The following DTNA variants were observed in gnomAD, a reference collection of about 807,000 sequenced individuals.
DTNA encodes the protein dystrobrevin alpha, also known as dystrophin-related protein 3.
DTNA carries 43 observed loss-of-function variants against 100.7 expected under a neutral mutation model. The ratio of observed to expected loss-of-function variants is 0.43; its 90% CI spans 0.33 to 0.55. The LOEUF is 0.55. Ranked by LOEUF, DTNA falls within the 20% of genes least tolerant of loss-of-function variation. DTNA has a pLI of 0.04. For missense variants in DTNA, 798 were observed against 953.9 expected (o/e 0.84, Z 2.15); for synonymous variants, 349 against 347.9 (o/e 1.00, Z -0.04).
intron 1 of DTNA, among the ~76,000 whole-genome samples, chr18:34,624,419 TAAGTA>T (rs2057019060): frequency 6.6e-6 from 1 of 151,950 alleles, no homozygotes; most frequent in South Asian, 2.1e-4. Context: ...AACTGCCCCT[TAAGTA>T]AAGATCTGAC....
At chr18:34,782,562 C>T (rs2094366266) in intron 3 of DTNA, among the ~76,000 whole-genome samples, 1 of 152,126 alleles carries the variant, frequency 6.6e-6, no homozygotes, top group African/African-American at 2.4e-5. Context: ...GAATGAGCAT[C>T]CTCAGGGACA....
intron 20 of DTNA, among the ~76,000 whole-genome samples, chr18:34,880,801 C>T (rs981186006): frequency 6.6e-6 from 1 of 152,162 alleles, no homozygotes; most frequent in African/African-American, 2.4e-5. Flanking sequence ...CATGGCAGTA[C>T]GCTGCTGCTT....
chr18:34,498,183 A>C (rs2039468033), intron 1 of DTNA, among the ~76,000 whole-genome samples: 1 of 152,148 alleles, frequency 6.6e-6, no homozygotes, highest in African/African-American at 2.4e-5. Flanking sequence ...TGGGAGGCTT[A>C]AGCGGGCAGA....
rs146713127 is a variant in DTNA, at chr18:34,801,315, G to A, written c.363-4904G>A. 9.3e-3 allele frequency among the ~76,000 whole-genome samples: 1,413 copies of A among 151,922 alleles called. 14 individuals carry two copies. Among genetic ancestry groups the A allele is most frequent in the South Asian group, 0.031 (148 of 4,800 alleles). ...ATTTTATTGAGAATTTTTGAATGTC[G>A]ATCTAGAACAAGAAAGTAAAGTTTG... On this transcript the variant is annotated intron_variant, in intron 4 of 22. Coordinates refer to ENST00000444659, the MANE Select transcript of DTNA (RefSeq NM_001386795.1).
intron 1 of DTNA, among the ~76,000 whole-genome samples, chr18:34,590,578 A>G (rs542372098): frequency 1.2e-4 from 18 of 152,300 alleles, no homozygotes; most frequent in Admixed American, 1.2e-3. Context: ...CACCCCTGCA[A>G]GGAGCCATGC....
chr18:34,544,578 C>T (rs986423974), intron 1 of DTNA, among the ~76,000 whole-genome samples: 1 of 152,056 alleles, frequency 6.6e-6, no homozygotes, highest in Non-Finnish European at 1.5e-5. Flanking sequence ...GTTGACATAA[C>T]AATTTTAAAT....
chr18:34,655,542 T>C (rs2074251270), intron 1 of DTNA, among the ~76,000 whole-genome samples: 1 of 152,246 alleles, frequency 6.6e-6, no homozygotes, highest in Admixed American at 6.5e-5. Flanking sequence ...CAGACTATTG[T>C]GCATTTTACC....
chr18:34,802,530 ACTC>A (rs2095250843), intron 4 of DTNA, among the ~76,000 whole-genome samples: 1 of 151,766 alleles, frequency 6.6e-6, no homozygotes, highest in South Asian at 2.1e-4. Flanking sequence ...GCTTTTCTCT[ACTC>A]CTTGCTTCCT....
chr18:34,702,073 C>G (rs1195093770), intron 1 of DTNA, among the ~76,000 whole-genome samples: 4 of 145,158 alleles, frequency 2.8e-5, no homozygotes, highest in Admixed American at 2.7e-4. Context: ...AAGTCCTGGT[C>G]CCTGTGTGAC....
Position 34,888,016 on chromosome 18 carries a change from C to T in DTNA, c.*282C>T, listed in dbSNP as rs2096938220. The T allele has an allele frequency of 1.0e-6, 1 of 985,732 alleles. No individual in the cohort carries two copies. Among genetic ancestry groups the T allele is most frequent in the South Asian group, 4.7e-5 (1 of 21,286 alleles). The allele number at this position is 985,732 out of a possible 1,614,324, so 61.1% of individuals were successfully genotyped here. On this transcript the variant is annotated 3_prime_UTR_variant, in exon 23 of 23. Coordinates refer to ENST00000444659, the MANE Select transcript of DTNA (RefSeq NM_001386795.1). Reference sequence around the variant, plus strand: ...TTTCAAGAAGGAAAAAAAAAGACTTCTGTTCAAAGTTAACTTATCAGCTAC... The same window carrying T: ...TTTCAAGAAGGAAAAAAAAAGACTTTTGTTCAAAGTTAACTTATCAGCTAC...
chr18:34,684,977 C>G (rs986449465), intron 1 of DTNA, among the ~76,000 whole-genome samples: 2 of 152,228 alleles, frequency 1.3e-5, no homozygotes, highest in African/African-American at 4.8e-5. Flanking sequence ...TATCACTTGC[C>G]CACTTTTTGA....
Position 34,656,001 on chromosome 18 carries a change from G to A in DTNA, c.-1-99975G>A, listed in dbSNP as rs62097194. Among the ~76,000 whole-genome samples the A allele has an allele frequency of 4.6e-5, 7 of 152,292 alleles. No homozygotes were observed. In the South Asian group the frequency reaches 8.3e-4, roughly 18 times the overall value. ...CACATAAACACATGTTTACACACACGTGTGCACACTGAGTGATATTTTATT... is the reference window on the plus strand; with the variant it reads ...CACATAAACACATGTTTACACACACATGTGCACACTGAGTGATATTTTATT... On this transcript the variant is annotated intron_variant, in intron 1 of 19. Coordinates refer to the DTNA transcript ENST00000283365.
At chr18:34,655,031 T>A (rs2074163130) in intron 1 of DTNA, among the ~76,000 whole-genome samples, 1 of 152,088 alleles carries the variant, frequency 6.6e-6, no homozygotes, top group Admixed American at 6.6e-5. Context: ...CCGGCCTAAT[T>A]TTTTTAATAG....
At chr18:34,645,334 TTAA>T (rs1479939520) in intron 1 of DTNA, among the ~76,000 whole-genome samples, 7 of 152,056 alleles carry the variant, frequency 4.6e-5, no homozygotes, top group Admixed American at 4.6e-4. Flanking sequence ...TTACTTATTA[TTAA>T]TAAGATTTTT....
At chr18:34,581,877 C>G (rs1221836399) in intron 1 of DTNA, among the ~76,000 whole-genome samples, 1 of 152,122 alleles carries the variant, frequency 6.6e-6, no homozygotes, top group Non-Finnish European at 1.5e-5. Context: ...CCACCTCGGC[C>G]TCCCAAAGTG....
intron 2 of DTNA, 57 bp from the exon 3 acceptor site, chr18:34,765,904 T>A: frequency 6.5e-7 from 1 of 1,546,876 alleles, no homozygotes; most frequent in African/African-American, 1.4e-5. Context: ...TTGTAAACAT[T>A]GTAAATTTCT....
chr18:34,672,062 A>G (rs1009199513), intron 1 of DTNA, among the ~76,000 whole-genome samples: 1 of 152,216 alleles, frequency 6.6e-6, no homozygotes, highest in African/African-American at 2.4e-5. Flanking sequence ...TTTGGTGGGT[A>G]TAATGAGATG....
chr18:34,828,157 C>T (rs2095905402), intron 10 of DTNA, among the ~76,000 whole-genome samples: 1 of 152,126 alleles, frequency 6.6e-6, no homozygotes, highest in African/African-American at 2.4e-5. Flanking sequence ...AATGTAGTTT[C>T]CATATAAGTA....
intron 16 of DTNA, among the ~76,000 whole-genome samples, chr18:34,862,084 C>A (rs1167148008): frequency 6.9e-6 from 1 of 144,214 alleles, no homozygotes; most frequent in East Asian, 2.0e-4. Context: ...GTACCAAAGA[C>A]TACTGTGGAT....
Sources: gnomAD v4.1 joint callset for allele counts (sites outside exome capture counted in the v4.1 genomes callset) on GRCh38, gnomAD v4.1.1 for gene constraint, MANE v1.5 for transcripts, NCBI Gene and HGNC (gene_info 2026-07-23, HGNC 2026-07-21) for gene names.